XIRP2: variants seen among roughly 807,000 people sequenced by gnomAD.
XIRP2 encodes xin actin binding repeat containing 2.
A neutral mutation model predicts 277.0 loss-of-function variants in XIRP2; 236 were observed. That is an observed-to-expected ratio of 0.85 (90% CI 0.77 to 0.95). The LOEUF is 0.95. Ranked by LOEUF, XIRP2 falls within the 40% of genes least tolerant of loss-of-function variation. The pLI, the probability that XIRP2 is intolerant of heterozygous loss-of-function variation, is 0.00. For missense variants in XIRP2, 4,640 were observed against 4,157.5 expected, an observed-to-expected ratio of 1.12 and a Z score of -3.19; for synonymous variants, 1,490 against 1,416.5, an observed-to-expected ratio of 1.05 and a Z score of -1.17.
chr2:167,259,177 A>G lies in XIRP2; in HGVS notation c.*1360A>G, dbSNP rs1337564020. The G allele has an allele frequency of 6.2e-7, 1 of 1,613,420 alleles. No individual in the cohort carries two copies. Among genetic ancestry groups the G allele is most frequent in the Non-Finnish European group, 8.5e-7 (1 of 1,179,660 alleles). On this transcript the variant is annotated 3_prime_UTR_variant, in exon 11 of 11. Coordinates refer to ENST00000409195, the MANE Select transcript of XIRP2 (RefSeq NM_152381.6). ...CATGCTTGGATTTAAGGGAATTTGG[A>G]AAGGATGTTAAACCTTGGCATGTTG...
chr2:166,936,494 A>G (rs957615245), intron 2 of XIRP2, among the ~76,000 whole-genome samples: 4 of 152,172 alleles, frequency 2.6e-5, no homozygotes, highest in African/African-American at 9.7e-5. Flanking sequence ...GCCCATGCCT[A>G]TGTCCTGAAT....
intron 2 of XIRP2, among the ~76,000 whole-genome samples, chr2:166,931,824 T>G (rs1393809563): frequency 6.6e-6 from 1 of 152,192 alleles, no homozygotes; most frequent in Non-Finnish European, 1.5e-5. Context: ...TTGCTTATGT[T>G]TAGCTTTAAC....
intron 2 of XIRP2, among the ~76,000 whole-genome samples, chr2:167,045,499 A>G (rs2105526366): frequency 6.6e-6 from 1 of 152,208 alleles, no homozygotes; most frequent in African/African-American, 2.4e-5. Flanking sequence ...TTTGCAACCT[A>G]TGCATCCAAC....
At chr2:166,965,223 T>C (rs542873844) in intron 2 of XIRP2, among the ~76,000 whole-genome samples, 7 of 152,012 alleles carry the variant, frequency 4.6e-5, no homozygotes, top group African/African-American at 1.4e-4. Context: ...CTAACACACC[T>C]TCTGACCTGA....
intron 2 of XIRP2, among the ~76,000 whole-genome samples, chr2:166,979,267 G>A (rs1228793236): frequency 6.6e-6 from 1 of 151,922 alleles, no homozygotes; most frequent in Non-Finnish European, 1.5e-5. Flanking sequence ...AGGATACCGT[G>A]TGTCTGTCTT....
intron 2 of XIRP2, among the ~76,000 whole-genome samples, chr2:167,120,634 C>G (rs996111974): frequency 6.6e-6 from 1 of 152,090 alleles, no homozygotes; most frequent in Non-Finnish European, 1.5e-5. Flanking sequence ...GATAAAGACT[C>G]ATCTTTTTTG....
At chr2:167,095,811 A>T (rs1690293171) in intron 2 of XIRP2, among the ~76,000 whole-genome samples, 1 of 123,688 alleles carries the variant, frequency 8.1e-6, no homozygotes, top group Non-Finnish European at 1.7e-5. Context: ...TTCTTTCAGG[A>T]TGATGCTGGC....
At chr2:167,189,032 G>T (rs928739089) in intron 3 of XIRP2, among the ~76,000 whole-genome samples, 2 of 152,152 alleles carry the variant, frequency 1.3e-5, no homozygotes, top group Non-Finnish European at 2.9e-5. Flanking sequence ...AAGCCCACAA[G>T]GTTCATTGAT....
chr2:166,976,696 C>G (rs545707168), intron 2 of XIRP2, among the ~76,000 whole-genome samples: 51 of 152,134 alleles, frequency 3.4e-4, no homozygotes, highest in African/African-American at 1.2e-3. Flanking sequence ...TGTCACAGCC[C>G]CTGTCTTACA....
chr2:167,222,783 C>G (rs1292436194), intron 5 of XIRP2, among the ~76,000 whole-genome samples: 5 of 152,268 alleles, frequency 3.3e-5, no homozygotes, highest in East Asian at 3.9e-4. Flanking sequence ...TGTAAAATTG[C>G]CATTGCCTCT....
intron 3 of XIRP2, among the ~76,000 whole-genome samples, chr2:167,168,625 T>G (rs1418864441): frequency 6.6e-6 from 1 of 152,248 alleles, no homozygotes. Context: ...TTTTTGTTTT[T>G]GTTTTTTGAG....
intron 2 of XIRP2, among the ~76,000 whole-genome samples, chr2:167,068,710 G>C (rs1020768543): frequency 6.6e-6 from 1 of 152,052 alleles, no homozygotes; most frequent in Non-Finnish European, 1.5e-5. Context: ...AAAGGCCATA[G>C]TTTTTCAAGC....
Position 167,250,276 on chromosome 2 carries a change from A to C in XIRP2, c.8884A>C (p.Lys2962Gln), listed in dbSNP as rs772297133. 1 of 1,613,340 alleles carries C rather than the reference A, an allele frequency of 6.2e-7. No individual in the cohort carries two copies. Among genetic ancestry groups the C allele is most frequent in the Admixed American group, 1.7e-5 (1 of 59,924 alleles). The part of the protein sequence containing the change: ...EELQQILSRV[K>Q]QFEAEPNKSG... ...ACTGCAACAGATTTTGTCGAGAGTG[A>C]AACAGTTTGAAGCAGAGCCAAATAA... is the stretch of plus-strand genomic sequence containing the variant. Residue 2962 changes from lysine (K) to glutamine (Q), a missense_variant, in exon 9 of 11, where the codon AAA becomes CAA. Transcript: ENST00000409195.
chr2:167,090,339 CATT>C lies in XIRP2; in HGVS notation c.409-45563_409-45561del, dbSNP rs200559601. Among the ~76,000 whole-genome samples the C allele has an allele frequency of 1.9e-3, 292 of 152,106 alleles. 10 individuals carry two copies. In the East Asian group the frequency reaches 0.05, roughly 26 times the overall value. ...TAGTTTATATTGATGTCCTATAAGA[CATT>C]ATTATTTTTATTTTAAGCAGTCTCT... On this transcript the variant is annotated intron_variant, in intron 2 of 10. Transcript: ENST00000409195.
At chr2:167,240,028 T>C (rs2105428952) in intron 6 of XIRP2, 63 bp downstream of exon 6, 1 of 1,406,058 alleles carries the variant, frequency 7.1e-7, no homozygotes. Context: ...ATTATGACTT[T>C]GTTGTAAGCA....
chr2:166,925,596 CATATAT>C (rs3060398), intron 2 of XIRP2, among the ~76,000 whole-genome samples: 19,862 of 102,310 alleles, frequency 0.19, 1,692 homozygotes, highest in South Asian at 0.29. Flanking sequence ...TGTGTATATA[CATATAT>C]ATATATATAT....
chr2:166,936,667 G>C (rs1024779155), intron 2 of XIRP2, among the ~76,000 whole-genome samples: 4 of 152,134 alleles, frequency 2.6e-5, no homozygotes, highest in Admixed American at 2.0e-4. Context: ...TATTAAATAG[G>C]GAATCCTTTC....
chr2:166,962,858 G>A (rs1558931464), intron 2 of XIRP2, among the ~76,000 whole-genome samples: 1 of 151,654 alleles, frequency 6.6e-6, no homozygotes, highest in Admixed American at 6.6e-5. Flanking sequence ...TACCAGAACA[G>A]ATTTAAACCA....
intron 2 of XIRP2, among the ~76,000 whole-genome samples, chr2:167,104,849 A>G (rs1483533384): frequency 6.6e-6 from 1 of 152,038 alleles, no homozygotes. Context: ...ATTATTCACA[A>G]TATCTGTTTA....
Sources: allele counts gnomAD v4.1 joint callset (sites outside exome capture counted in the v4.1 genomes callset), GRCh38; gene constraint gnomAD v4.1.1; transcripts MANE v1.5; gene names NCBI Gene and HGNC (gene_info 2026-07-23, HGNC 2026-07-21).